The following FRMD5 variants were observed in gnomAD, a reference collection of about 807,000 sequenced individuals.
The protein encoded by FRMD5 is FERM domain-containing protein 5.
In FRMD5, 20 loss-of-function variants were observed where a neutral mutation model predicts 69.0. The observed-to-expected ratio is 0.29, with a 90% CI of 0.20 to 0.42. FRMD5 has a LOEUF of 0.42. FRMD5 is among the 10% of genes least tolerant of loss of function. The pLI is 1.00. For synonymous variants in FRMD5, 271 were observed against 260.1 expected (o/e 1.04, Z -0.40); for missense variants, 595 against 708.6 (o/e 0.84, Z 1.82).
intron 1 of FRMD5, among the ~76,000 whole-genome samples, chr15:44,074,914 C>T (rs1893694447): frequency 6.6e-6 from 1 of 152,128 alleles, no homozygotes; most frequent in Non-Finnish European, 1.5e-5. Context: ...TTTCAGAGGT[C>T]TAGTACTAAT....
At chr15:43,950,830 G>C (rs1476723452) in intron 1 of FRMD5, among the ~76,000 whole-genome samples, 1 of 152,188 alleles carries the variant, frequency 6.6e-6, no homozygotes, top group Non-Finnish European at 1.5e-5. Flanking sequence ...TTTAACAGTT[G>C]AATGCTTCCC....
chr15:43,909,919 T>C lies in FRMD5; in HGVS notation c.390A>G (p.Thr130=). ...AAGCTGCTAACAAGGCAGCATCCGA[T>C]GTTTTACAGAGGAGTCGGCCATGGT... ...DLYHGRLLCK[T]SDAALLAAYI... The change falls in exon 5 of 14, where the codon ACA becomes ACG. Residue 130 remains threonine (T), a synonymous_variant. Transcript: ENST00000417257. The C allele has an allele frequency of 6.2e-7, 1 of 1,613,494 alleles. No individual in the cohort carries two copies. Among genetic ancestry groups the C allele is most frequent in the Non-Finnish European group, 8.5e-7 (1 of 1,179,544 alleles).
chr15:44,163,142 C>A (rs2077651545), intron 1 of FRMD5, among the ~76,000 whole-genome samples: 1 of 152,188 alleles, frequency 6.6e-6, no homozygotes, highest in Non-Finnish European at 1.5e-5. Flanking sequence ...CCACTGCACT[C>A]CAGCCTGGGC....
chr15:44,193,106 T>C (rs1463962610), intron 1 of FRMD5, among the ~76,000 whole-genome samples: 1 of 152,068 alleles, frequency 6.6e-6, no homozygotes, highest in Admixed American at 6.5e-5. Context: ...TTCCACTAAC[T>C]GGGAAAAAAA....
rs1050759775 is a variant in FRMD5 at position 43,876,195 on chromosome 15, G to A, written c.1136-1733C>T. The A allele has an allele frequency of 1.4e-5, 23 of 1,598,974 alleles. No homozygotes were observed. In the African/African-American group the frequency reaches 3.1e-4, roughly 21 times the overall value. On this transcript the variant is annotated intron_variant, in intron 13 of 13. Coordinates refer to ENST00000417257, the MANE Select transcript of FRMD5 (RefSeq NM_032892.5). The stretch of plus-strand genomic sequence containing the variant: ...GTCAGCACTGTCACTCCCAGAGGCT[G>A]CACCCCCTTTCCCCGCTTTTCCAGA...
In FRMD5 at chr15:44,077,976, T is replaced by C. The variant is rs960054941; in HGVS notation, c.102+116977A>G. Among the ~76,000 whole-genome samples, 4 of 152,144 alleles carry C rather than the reference T, an allele frequency of 2.6e-5. No individual in the cohort carries two copies. In the East Asian group the frequency reaches 7.7e-4, roughly 29 times the overall value. ...AAGTGGTTAAACTATGTATATTTTT[T>C]ATGTCTATATTACATACATATCTTA... On this transcript the variant is annotated intron_variant, in intron 1 of 13. Transcript: ENST00000417257.
At chr15:44,069,026 C>T (rs986478959) in intron 1 of FRMD5, among the ~76,000 whole-genome samples, 1 of 152,016 alleles carries the variant, frequency 6.6e-6, no homozygotes, top group African/African-American at 2.4e-5. Flanking sequence ...AAAAGACATA[C>T]AAAGACATTT....
intron 1 of FRMD5, among the ~76,000 whole-genome samples, chr15:43,963,968 A>G (rs2140551831): frequency 6.6e-6 from 1 of 152,208 alleles, no homozygotes; most frequent in Middle Eastern, 3.4e-3. Context: ...ATGACGAGTT[A>G]ATGGGTGCAG....
chr15:44,178,002 T>C (rs1454600221), intron 1 of FRMD5, among the ~76,000 whole-genome samples: 1 of 152,192 alleles, frequency 6.6e-6, no homozygotes, highest in African/African-American at 2.4e-5. Context: ...TTTTAATCTA[T>C]GTAAATTGTA....
At chr15:44,107,615 T>A (rs1334564540) in intron 1 of FRMD5, among the ~76,000 whole-genome samples, 1 of 152,192 alleles carries the variant, frequency 6.6e-6, no homozygotes, top group African/African-American at 2.4e-5. Context: ...ACAGCTCTCA[T>A]GAAGCTGCAT....
At chr15:44,122,277 T>A (rs1474381492) in intron 1 of FRMD5, among the ~76,000 whole-genome samples, 1 of 152,064 alleles carries the variant, frequency 6.6e-6, no homozygotes, top group Admixed American at 6.6e-5. Flanking sequence ...TTTGAAAAGA[T>A]AATAGGCTGG....
intron 1 of FRMD5, among the ~76,000 whole-genome samples, chr15:44,067,598 G>A (rs1319172514): frequency 6.6e-6 from 1 of 152,146 alleles, no homozygotes; most frequent in African/African-American, 2.4e-5. Context: ...TCAGAGGGTG[G>A]AGGGCAGAGA....
At chr15:44,018,926 C>T (rs1002873145) in intron 1 of FRMD5, among the ~76,000 whole-genome samples, 1 of 151,822 alleles carries the variant, frequency 6.6e-6, no homozygotes, top group East Asian at 1.9e-4. Flanking sequence ...GATAGAGTCT[C>T]ACTCTGTCAC....
chr15:44,038,520 CTTTTT>C lies in FRMD5; in HGVS notation c.103-114216_103-114212del, dbSNP rs71111834. Reference sequence around the variant, plus strand: ...GCTTTCTGCATATGGCTAGCCAGAGCTTTTTTTTTTTTTTTTTTTTATAACAATTC... The same window carrying C: ...GCTTTCTGCATATGGCTAGCCAGAGCTTTTTTTTTTTTTTTATAACAATTC... On this transcript the variant is annotated intron_variant, in intron 1 of 13. Transcript: ENST00000417257. Among the ~76,000 whole-genome samples, 36 of 63,198 alleles carry C rather than the reference CTTTTT, an allele frequency of 5.7e-4. 1 individual carries two copies. Among genetic ancestry groups the C allele is most frequent in the South Asian group, 1.4e-3 (2 of 1,424 alleles). The allele number at this position is 63,198 out of a possible 152,430, so 41.5% of individuals were successfully genotyped here. A position where few individuals can be genotyped will look rare whatever the true frequency, so the allele number is the denominator to read the frequency against.
chr15:43,983,364 T>C (rs2090576669), intron 1 of FRMD5, among the ~76,000 whole-genome samples: 1 of 152,170 alleles, frequency 6.6e-6, no homozygotes, highest in Admixed American at 6.6e-5. Flanking sequence ...ACTTAAATCA[T>C]TAATGGAGAC....
chr15:44,027,053 T>C (rs1891460110), intron 1 of FRMD5, among the ~76,000 whole-genome samples: 1 of 152,194 alleles, frequency 6.6e-6, no homozygotes, highest in Admixed American at 6.5e-5. Context: ...ATCGCTTGCA[T>C]CCACACAAAT....
intron 1 of FRMD5, among the ~76,000 whole-genome samples, chr15:44,022,338 G>T (rs1891243144): frequency 6.6e-6 from 1 of 151,506 alleles, no homozygotes; most frequent in African/African-American, 2.4e-5. Context: ...GATGAGATTG[G>T]GGGATCACTT....
At chr15:44,194,268 C>T (rs144601956) in intron 1 of FRMD5, 1 of 152,374 alleles carries the variant, frequency 6.6e-6, no homozygotes, top group Non-Finnish European at 1.5e-5. Flanking sequence ...TTCTTCCTGG[C>T]CACTTCCAAG....
chr15:44,033,045 C>T (rs1891753327), intron 1 of FRMD5, among the ~76,000 whole-genome samples: 2 of 152,150 alleles, frequency 1.3e-5, no homozygotes, highest in Non-Finnish European at 2.9e-5. Flanking sequence ...AGAACAAGGT[C>T]ATGTCTTTTG....
Sources: gnomAD v4.1 joint callset for allele counts (sites outside exome capture counted in the v4.1 genomes callset) on GRCh38, gnomAD v4.1.1 for gene constraint, MANE v1.5 for transcripts, NCBI Gene and HGNC (gene_info 2026-07-23, HGNC 2026-07-21) for gene names.